Variants in SIPA1L1 observed in about 807,000 individuals in gnomAD.
The protein encoded by SIPA1L1 is signal induced proliferation associated 1 like 1.
Under a neutral mutation model 162.7 loss-of-function variants are expected in SIPA1L1, and 26 were observed. The observed-to-expected ratio is 0.16, with a 90% CI of 0.12 to 0.22. The LOEUF (loss-of-function observed/expected upper bound fraction) is 0.22. Ranked by LOEUF, SIPA1L1 falls within the 10% of genes least tolerant of loss-of-function variation. The probability of loss-of-function intolerance (pLI) is 1.00; values close to 1 mark genes in which losing one functional copy is unlikely to be tolerated. For missense variants in SIPA1L1, 1,874 were observed against 2,241.0 expected (o/e 0.84, Z 3.31); for synonymous variants, 829 against 837.4 (o/e 0.99, Z 0.17).
chr14:71,367,308 T>C (rs934037979), intron 2 of SIPA1L1, among the ~76,000 whole-genome samples: 1 of 151,072 alleles, frequency 6.6e-6, no homozygotes, highest in Non-Finnish European at 1.5e-5. Context: ...CATTGCTTTT[T>C]TTTTTTTTTT....
At chr14:71,399,940 C>CT in intron 2 of SIPA1L1, among the ~76,000 whole-genome samples, 1 of 152,100 alleles carries the variant, frequency 6.6e-6, no homozygotes, top group East Asian at 1.9e-4. Flanking sequence ...AGCCTAATCT[C>CT]TAACTCCTGA....
intron 8 of SIPA1L1, among the ~76,000 whole-genome samples, chr14:71,653,528 C>T (rs938575213): frequency 4.6e-5 from 7 of 152,180 alleles, no homozygotes; most frequent in Non-Finnish European, 1.0e-4. Flanking sequence ...CTTCCCCCTT[C>T]AGTACCTTGC....
intron 13 of SIPA1L1, among the ~76,000 whole-genome samples, chr14:71,691,339 C>A (rs2081238887): frequency 6.6e-6 from 1 of 152,182 alleles, no homozygotes; most frequent in Admixed American, 6.6e-5. Flanking sequence ...TGCCTATAAT[C>A]CCACCACTTT....
In SIPA1L1 at chr14:71,618,697, G is replaced by A. The variant is rs2039093971; in HGVS notation, c.1499-60G>A. On this transcript the variant is annotated intron_variant, in intron 5 of 23. Coordinates refer to ENST00000381232, the MANE Select transcript of SIPA1L1 (RefSeq NM_001386936.1). The stretch of plus-strand genomic sequence containing the variant: ...GACAACCTTAAATACTGAGCAGAAT[G>A]TAACATTTTCAAAGTGTTAGGTAGA... 4 of 1,496,250 alleles carry A rather than the reference G, an allele frequency of 2.7e-6. No individual in the cohort carries two copies. In the Admixed American group the frequency reaches 5.8e-5, roughly 22 times the overall value. The allele number at this position is 1,496,250 out of a possible 1,614,324, so 92.7% of individuals were successfully genotyped here.
chr14:71,422,646 A>T (rs576911645), intron 2 of SIPA1L1, among the ~76,000 whole-genome samples: 1 of 152,236 alleles, frequency 6.6e-6, no homozygotes, highest in Admixed American at 6.5e-5. Flanking sequence ...GTGTTGTAGC[A>T]TGTGTAAGAA....
intron 2 of SIPA1L1, among the ~76,000 whole-genome samples, chr14:71,366,410 C>A (rs933872806): frequency 6.6e-6 from 1 of 151,966 alleles, no homozygotes; most frequent in African/African-American, 2.4e-5. Context: ...AGAGTTGGGA[C>A]CATGTTTCTG....
intron 2 of SIPA1L1, among the ~76,000 whole-genome samples, chr14:71,362,732 C>T (rs772668243): frequency 1.3e-5 from 2 of 151,940 alleles, no homozygotes; most frequent in African/African-American, 4.8e-5. Flanking sequence ...TTAAAATATC[C>T]TGTAGTGTTG....
chr14:71,485,291 C>T (rs1258454460), intron 2 of SIPA1L1, among the ~76,000 whole-genome samples: 1 of 152,204 alleles, frequency 6.6e-6, no homozygotes, highest in Non-Finnish European at 1.5e-5. Context: ...TCTCCAACCC[C>T]CGGACCACGG....
intron 5 of SIPA1L1, among the ~76,000 whole-genome samples, chr14:71,601,386 G>T (rs1194197038): frequency 6.6e-6 from 1 of 152,022 alleles, no homozygotes; most frequent in African/African-American, 2.4e-5. Flanking sequence ...GATGTGATAT[G>T]TCATACTTAT....
rs75230962 is a variant in SIPA1L1, at chr14:71,476,447, A to G, written c.-464-36296A>G. Among the ~76,000 whole-genome samples, 1,291 of 152,284 alleles carry G rather than the reference A, an allele frequency of 8.5e-3. 44 individuals are homozygous for G. The highest frequency in any genetic ancestry group is 0.062 in the Admixed American group (943 of 15,296). ...AAAGAAATGGTTTTGTGGTATCTCTAAAAATATTTTATAAGTACACTGGTT... is the reference window on the plus strand; with the variant it reads ...AAAGAAATGGTTTTGTGGTATCTCTGAAAATATTTTATAAGTACACTGGTT... On this transcript the variant is annotated intron_variant, in intron 2 of 23. Coordinates refer to ENST00000381232, the MANE Select transcript of SIPA1L1 (RefSeq NM_001386936.1).
chr14:71,564,179 G>A (rs1458980201), intron 4 of SIPA1L1, among the ~76,000 whole-genome samples: 1 of 151,922 alleles, frequency 6.6e-6, no homozygotes, highest in African/African-American at 2.4e-5. Context: ...GAACTCCTGG[G>A]CTCAATCGAT....
At chr14:71,521,605 T>C (rs1405877979) in intron 3 of SIPA1L1, among the ~76,000 whole-genome samples, 1 of 152,204 alleles carries the variant, frequency 6.6e-6, no homozygotes, top group Non-Finnish European at 1.5e-5. Context: ...GATGCCATAT[T>C]TTGCAGTAGC....
At chr14:71,609,110 G>A (rs541550301) in intron 5 of SIPA1L1, among the ~76,000 whole-genome samples, 18 of 151,870 alleles carry the variant, frequency 1.2e-4, no homozygotes, top group African/African-American at 4.1e-4. Context: ...TCTATATTGG[G>A]CCATGCCATC....
At chr14:71,713,141 AC>A (rs1319293646) in intron 17 of SIPA1L1, among the ~76,000 whole-genome samples, 1 of 152,158 alleles carries the variant, frequency 6.6e-6, no homozygotes, top group Non-Finnish European at 1.5e-5. Flanking sequence ...GATCATTTGT[AC>A]CCAGGAGTTA....
intron 3 of SIPA1L1, among the ~76,000 whole-genome samples, chr14:71,515,796 C>A (rs2051663319): frequency 6.6e-6 from 1 of 152,064 alleles, no homozygotes; most frequent in Admixed American, 6.6e-5. Context: ...TGCCACCAGG[C>A]CCAGCTAATT....
intron 2 of SIPA1L1, among the ~76,000 whole-genome samples, chr14:71,332,190 T>C (rs971143940): frequency 6.6e-6 from 1 of 152,160 alleles, no homozygotes; most frequent in African/African-American, 2.4e-5. Context: ...TTTGCATAGG[T>C]GGGTCTCTAA....
intron 5 of SIPA1L1, among the ~76,000 whole-genome samples, chr14:71,591,194 T>C (rs1446041391): frequency 1.3e-4 from 20 of 152,312 alleles, no homozygotes; most frequent in African/African-American, 3.6e-4. Flanking sequence ...GGGTACTTAC[T>C]GTGTACCAGG....
intron 2 of SIPA1L1, among the ~76,000 whole-genome samples, chr14:71,366,966 A>C (rs1247543847): frequency 6.6e-6 from 1 of 152,222 alleles, no homozygotes; most frequent in East Asian, 1.9e-4. Flanking sequence ...ATGGTCTCAC[A>C]GAAATCGTCA....
intron 5 of SIPA1L1, among the ~76,000 whole-genome samples, chr14:71,606,552 GT>G (rs909741623): frequency 9.9e-5 from 15 of 152,112 alleles, no homozygotes; most frequent in African/African-American, 3.6e-4. Flanking sequence ...TGTGGGCTTC[GT>G]CCTGAGCACT....
Sources: gnomAD v4.1 joint callset for allele counts (sites outside exome capture counted in the v4.1 genomes callset) on GRCh38, gnomAD v4.1.1 for gene constraint, MANE v1.5 for transcripts, NCBI Gene and HGNC (gene_info 2026-07-23, HGNC 2026-07-21) for gene names.